The following NFATC3 variants were observed in gnomAD, a reference collection of about 807,000 sequenced individuals.
NFATC3 encodes the protein nuclear factor of activated T cells 3.
A neutral mutation model predicts 98.6 loss-of-function variants in NFATC3; 46 were observed. The observed-to-expected ratio is 0.47, with a 90% CI of 0.37 to 0.60. The LOEUF is 0.60. Ranked by LOEUF, NFATC3 falls within the 20% of genes least tolerant of loss-of-function variation. NFATC3 has a pLI of 0.00. For synonymous variants in NFATC3, 512 were observed against 472.2 expected, an observed-to-expected ratio of 1.08 and a Z score of -1.09; for missense variants, 1,256 against 1,295.5, an observed-to-expected ratio of 0.97 and a Z score of 0.47.
chr16:68,183,794 G>A (rs997869996), intron 8 of NFATC3, among the ~76,000 whole-genome samples: 2 of 151,816 alleles, frequency 1.3e-5, no homozygotes, highest in African/African-American at 4.8e-5. Flanking sequence ...ACCTGAGGTT[G>A]GGAGTTTGAG....
At chr16:68,093,493 A>G (rs991914077) in intron 1 of NFATC3, among the ~76,000 whole-genome samples, 18 of 152,250 alleles carry the variant, frequency 1.2e-4, no homozygotes, top group Non-Finnish European at 1.8e-4. Flanking sequence ...AAAATCCTAC[A>G]TTTCCTTCTT....
intron 9 of NFATC3, chr16:68,221,142 T>TA: frequency 6.3e-7 from 1 of 1,587,778 alleles, no homozygotes; most frequent in Non-Finnish European, 8.6e-7. Flanking sequence ...TTTAACAACT[T>TA]AAAAATTGTG....
chr16:68,130,111 C>T (rs574061200), intron 3 of NFATC3, among the ~76,000 whole-genome samples: 1 of 152,304 alleles, frequency 6.6e-6, no homozygotes, highest in South Asian at 2.1e-4. Context: ...CTGAAAGAAA[C>T]ATAGGAGCAC....
Position 68,187,914 on chromosome 16 carries a change from G to T in NFATC3, c.2099-2854G>T, listed in dbSNP as rs773395415. On this transcript the variant is annotated intron_variant, in intron 8 of 9. Coordinates refer to ENST00000346183, the MANE Select transcript of NFATC3 (RefSeq NM_173165.3). ...CTTCACTGGCAACCCACCTCTTTCC[G>T]CCCAGGAACCTGTCTGCCTCCTGTT... Among the ~76,000 whole-genome samples the T allele has an allele frequency of 4.0e-4, 61 of 151,974 alleles. 1 individual carries two copies. The highest frequency in any genetic ancestry group is 3.5e-4 in the Non-Finnish European group (24 of 67,982).
chr16:68,127,224 A>G (rs898008227), intron 3 of NFATC3, among the ~76,000 whole-genome samples: 1 of 152,134 alleles, frequency 6.6e-6, no homozygotes, highest in Admixed American at 6.6e-5. Context: ...AAATAAATAA[A>G]TAAGTAAAAT....
intron 4 of NFATC3, among the ~76,000 whole-genome samples, chr16:68,160,965 A>G (rs2038863948): frequency 1.2e-5 from 1 of 80,690 alleles, no homozygotes; most frequent in Non-Finnish European, 2.2e-5. Context: ...GATTACATCT[A>G]GATGTGAGCC....
intron 3 of NFATC3, among the ~76,000 whole-genome samples, chr16:68,154,510 A>G (rs57810338): frequency 0.013 from 1,989 of 152,218 alleles, 41 homozygotes; most frequent in African/African-American, 0.045. Flanking sequence ...TTTTTATCAT[A>G]TGCTTACCTG....
At chr16:68,219,852 C>A (rs1272006738) in intron 9 of NFATC3, among the ~76,000 whole-genome samples, 3 of 152,230 alleles carry the variant, frequency 2.0e-5, no homozygotes, top group Admixed American at 6.5e-5. Flanking sequence ...CTGCCCCTCT[C>A]TACCTGGTTG....
At chr16:68,147,510 G>A (rs1179123883) in intron 3 of NFATC3, among the ~76,000 whole-genome samples, 1 of 152,048 alleles carries the variant, frequency 6.6e-6, no homozygotes, top group Non-Finnish European at 1.5e-5. Flanking sequence ...TGTGCTAGGC[G>A]CTCTGCTAGG....
chr16:68,201,454 A>G (rs2040910335), intron 9 of NFATC3, among the ~76,000 whole-genome samples: 1 of 149,044 alleles, frequency 6.7e-6, no homozygotes, highest in Non-Finnish European at 1.5e-5. Flanking sequence ...TGTTTTTGGT[A>G]GAGATGGAGT....
intron 1 of NFATC3, among the ~76,000 whole-genome samples, chr16:68,106,779 A>C (rs2151473635): frequency 6.6e-6 from 1 of 150,450 alleles, no homozygotes; most frequent in East Asian, 1.9e-4. Context: ...AAGTTCTTGG[A>C]TACATGTGCA....
chr16:68,190,858 C>G lies in NFATC3; in HGVS notation c.2189C>G (p.Ser730Cys). The change falls in exon 9 of 10, where the codon TCC (serine) becomes TGC (cysteine). Residue 730 changes from serine to cysteine, a missense_variant. By Grantham distance (112) the Ser-to-Cys change is moderately radical (BLOSUM62 -1). Transcript: ENST00000346183. ...VPHPAQTQRP[S>C]SDSGCSHDSV... The stretch of plus-strand genomic sequence containing the variant: ...CATCCTGCTCAGACCCAGAGGCCTT[C>G]CTCTGATTCAGGGTGTTCACATGAC... 1 of 1,614,224 alleles carries G rather than the reference C, an allele frequency of 6.2e-7. No individual in the cohort carries two copies. Among genetic ancestry groups the G allele is most frequent in the African/African-American group, 1.3e-5 (1 of 75,062 alleles).
intron 3 of NFATC3, among the ~76,000 whole-genome samples, chr16:68,145,000 A>G (rs1033078798): frequency 7.9e-5 from 12 of 151,950 alleles, no homozygotes; most frequent in Non-Finnish European, 1.2e-4. Flanking sequence ...AGAGATGGCA[A>G]TCTCACTATG....
At chr16:68,086,432 T>C (rs1450498146) in intron 1 of NFATC3, among the ~76,000 whole-genome samples, 1 of 152,174 alleles carries the variant, frequency 6.6e-6, no homozygotes, top group East Asian at 1.9e-4. Flanking sequence ...CCTAGAAAGT[T>C]CTAGAAGTCG....
At chr16:68,117,813 C>T (rs758519587) in intron 1 of NFATC3, among the ~76,000 whole-genome samples, 5 of 152,184 alleles carry the variant, frequency 3.3e-5, no homozygotes, top group East Asian at 1.9e-4. Flanking sequence ...CCACCATGTC[C>T]GGCCCCAACA....
chr16:68,138,063 CT>C (rs1483651183), intron 3 of NFATC3, among the ~76,000 whole-genome samples: 2 of 151,992 alleles, frequency 1.3e-5, no homozygotes, highest in Non-Finnish European at 2.9e-5. Context: ...GAGACAGAGT[CT>C]CGTGCTGTTG....
intron 4 of NFATC3, among the ~76,000 whole-genome samples, chr16:68,165,567 T>C (rs1053906630): frequency 4.6e-5 from 7 of 152,090 alleles, no homozygotes; most frequent in Non-Finnish European, 1.0e-4. Flanking sequence ...TGGCTAATTT[T>C]TGTATTTTAG....
At chr16:68,192,421 AT>A (rs1372206297) in intron 9 of NFATC3, among the ~76,000 whole-genome samples, 1 of 151,244 alleles carries the variant, frequency 6.6e-6, no homozygotes. Flanking sequence ...CTGTTGCTGA[AT>A]ACGAGATCTT....
chr16:68,093,860 G>A (rs565531353), intron 1 of NFATC3, among the ~76,000 whole-genome samples: 1 of 152,286 alleles, frequency 6.6e-6, no homozygotes, highest in South Asian at 2.1e-4. Flanking sequence ...AGTACAGAAA[G>A]ACTCAGTTTT....
Sources: gnomAD v4.1 joint callset for allele counts (sites outside exome capture counted in the v4.1 genomes callset) on GRCh38, gnomAD v4.1.1 for gene constraint, MANE v1.5 for transcripts, NCBI Gene and HGNC (gene_info 2026-07-23, HGNC 2026-07-21) for gene names.